Variants in CMSS1 observed in about 807,000 individuals in gnomAD.
The protein encoded by CMSS1 is protein CMSS1.
CMSS1 carries 33 observed loss-of-function variants against 43.5 expected under a neutral mutation model. That is an observed-to-expected ratio of 0.76 (90% confidence interval 0.57 to 1.01). The LOEUF is 1.01. Ranked by LOEUF, CMSS1 falls within the 50% of genes least tolerant of loss-of-function variation. The pLI is 0.00. For missense variants in CMSS1, 313 were observed against 326.4 expected (o/e 0.96, Z 0.32); for synonymous variants, 115 against 117.2 (o/e 0.98, Z 0.12).
chr3:100,019,232 C>T (rs905517155), intron 1 of CMSS1, among the ~76,000 whole-genome samples: 1 of 152,160 alleles, frequency 6.6e-6, no homozygotes, highest in Non-Finnish European at 1.5e-5. Flanking sequence ...TATGGTGGCA[C>T]ATGTCTAGTT....
intron 1 of CMSS1, among the ~76,000 whole-genome samples, chr3:99,958,963 C>A (rs1708417569): frequency 6.6e-6 from 1 of 152,076 alleles, no homozygotes; most frequent in African/African-American, 2.4e-5. Flanking sequence ...CCACTGGATT[C>A]TTGTGTGTAA....
At chr3:99,968,424 TG>T (rs148012141) in intron 1 of CMSS1, among the ~76,000 whole-genome samples, 2,545 of 147,204 alleles carry the variant, frequency 0.017, 55 homozygotes, top group African/African-American at 0.046. Context: ...ACTATGTTTT[TG>T]GGGGAAAAAA....
At chr3:100,036,187 A>T (rs1271835920) in intron 1 of CMSS1, among the ~76,000 whole-genome samples, 1 of 152,230 alleles carries the variant, frequency 6.6e-6, no homozygotes, top group African/African-American at 2.4e-5. Context: ...TCAACTAAAA[A>T]GGTCTAGAAT....
intron 1 of CMSS1, among the ~76,000 whole-genome samples, chr3:99,883,637 ATGT>A (rs2107605280): frequency 6.6e-6 from 1 of 152,226 alleles, no homozygotes; most frequent in South Asian, 2.1e-4. Context: ...GCACACCCAA[ATGT>A]TGTCATCATG....
intron 1 of CMSS1, among the ~76,000 whole-genome samples, chr3:99,843,674 A>G (rs1026278622): frequency 6.6e-6 from 1 of 152,194 alleles, no homozygotes. Context: ...GAACACTTAC[A>G]TAAATCTACA....
At chr3:99,884,881 A>G (rs932295671) in intron 1 of CMSS1, among the ~76,000 whole-genome samples, 1 of 152,242 alleles carries the variant, frequency 6.6e-6, no homozygotes, top group African/African-American at 2.4e-5. Context: ...GCCTGTGTCC[A>G]GAAACTATTT....
In CMSS1 at chr3:100,041,853, A is replaced by G. The variant is rs181405657; in HGVS notation, c.65-105120A>G. ...CACCTTTTTCTTCTTTCAACATGAA[A>G]GTATATCACATGCTGACCCCAACTA... is the stretch of plus-strand genomic sequence containing the variant. On this transcript the variant is annotated intron_variant, in intron 1 of 9. Transcript: ENST00000421999. 4.6e-5 allele frequency among the ~76,000 whole-genome samples: 7 copies of G among 152,310 alleles called. No individual in the cohort carries two copies. The East Asian group carries it at 1.4e-3, about 29-fold the overall frequency.
chr3:100,168,936 CTG>C (rs1300909588), intron 6 of CMSS1, among the ~76,000 whole-genome samples: 2 of 151,614 alleles, frequency 1.3e-5, no homozygotes, highest in African/African-American at 2.4e-5. Context: ...CACACGCACT[CTG>C]AAGTCTCAAT....
intron 1 of CMSS1, among the ~76,000 whole-genome samples, chr3:100,086,391 AC>A (rs1327411534): frequency 2.0e-5 from 3 of 151,712 alleles, no homozygotes; most frequent in South Asian, 4.2e-4. Flanking sequence ...GAATCAGCTG[AC>A]CCCCTCTAGT....
intron 1 of CMSS1, among the ~76,000 whole-genome samples, chr3:99,943,300 C>T (rs181713555): frequency 2.0e-5 from 3 of 152,236 alleles, no homozygotes; most frequent in Admixed American, 2.0e-4. Context: ...AATGTGTCAG[C>T]CCTGACACTT....
At chr3:99,915,284 T>A (rs1289154053) in intron 1 of CMSS1, among the ~76,000 whole-genome samples, 1 of 152,174 alleles carries the variant, frequency 6.6e-6, no homozygotes, top group Non-Finnish European at 1.5e-5. Flanking sequence ...TACATTTCAT[T>A]CACTCATTCA....
intron 1 of CMSS1, among the ~76,000 whole-genome samples, chr3:100,014,895 C>CTTTTTTTTTTTTTTTTTTTT (rs1233573719): frequency 4.0e-4 from 10 of 25,004 alleles, no homozygotes; most frequent in African/African-American, 7.0e-4. Flanking sequence ...TTCTTTCTTT[C>CTTTTTTTTTTTTTTTTTTTT]TTTTTTTTTT....
intron 1 of CMSS1, 40 bp from the exon 2 acceptor site, chr3:100,146,933 G>A (rs991876302): frequency 1.8e-5 from 29 of 1,594,946 alleles, no homozygotes; most frequent in Non-Finnish European, 2.3e-5. Flanking sequence ...AGCAATGAGA[G>A]AGAGAGACTT....
intron 1 of CMSS1, chr3:99,849,665 G>C (rs777848953): frequency 6.2e-7 from 1 of 1,613,216 alleles, no homozygotes; most frequent in South Asian, 1.1e-5. Context: ...GATAAAAATT[G>C]AGCTTTGTCT....
chr3:100,014,052 TGTAA>T (rs1399741924), intron 1 of CMSS1, among the ~76,000 whole-genome samples: 2 of 151,996 alleles, frequency 1.3e-5, no homozygotes, highest in Non-Finnish European at 2.9e-5. Flanking sequence ...AGATTCCGCA[TGTAA>T]GTGAGATCAT....
chr3:99,845,678 A>G (rs1943333062), intron 1 of CMSS1, among the ~76,000 whole-genome samples: 1 of 152,250 alleles, frequency 6.6e-6, no homozygotes, highest in African/African-American at 2.4e-5. Context: ...ATTAAAGGCC[A>G]GAAATCTACA....
intron 1 of CMSS1, among the ~76,000 whole-genome samples, chr3:100,028,697 G>C (rs1270647144): frequency 1.3e-5 from 2 of 152,076 alleles, no homozygotes; most frequent in African/African-American, 2.4e-5. Context: ...AAGTATTTAT[G>C]ATAATTTATC....
At chr3:99,842,739 C>T (rs2107508790) in intron 1 of CMSS1, among the ~76,000 whole-genome samples, 1 of 152,286 alleles carries the variant, frequency 6.6e-6, no homozygotes, top group South Asian at 2.1e-4. Context: ...ACTGCAATGC[C>T]AAAGGTTATT....
intron 1 of CMSS1, among the ~76,000 whole-genome samples, chr3:99,854,550 C>T (rs150031776): frequency 6.6e-6 from 1 of 152,142 alleles, no homozygotes; most frequent in African/African-American, 2.4e-5. Context: ...CAGGGTTTCT[C>T]CATCTTCAGC....
Sources: allele counts gnomAD v4.1 joint callset (sites outside exome capture counted in the v4.1 genomes callset), GRCh38; gene constraint gnomAD v4.1.1; transcripts MANE v1.5; gene names NCBI Gene and HGNC (gene_info 2026-07-23, HGNC 2026-07-21).